ERF: variants seen among roughly 807,000 people sequenced by gnomAD.
ERF encodes ETS domain-containing transcription factor ERF.
Under a neutral mutation model 41.6 loss-of-function variants are expected in ERF, and 10 were observed. The ratio of observed to expected loss-of-function variants is 0.24; its 90% CI spans 0.15 to 0.41. The LOEUF (loss-of-function observed/expected upper bound fraction) is 0.41, where lower values mean the gene tolerates loss of function less well. Ranked by LOEUF, ERF falls within the 10% of genes least tolerant of loss-of-function variation. ERF has a pLI of 1.00. For synonymous variants in ERF, 395 were observed against 342.4 expected, an observed-to-expected ratio of 1.15 and a Z score of -1.70; for missense variants, 621 against 763.2, an observed-to-expected ratio of 0.81 and a Z score of 2.19.
intron 1 of ERF, among the ~76,000 whole-genome samples, chr19:42,253,162 G>C (rs541642905): frequency 6.6e-6 from 1 of 152,272 alleles, no homozygotes; most frequent in South Asian, 2.1e-4. Context: ...TTTTTTAAGG[G>C]ACTATGAGGG....
In ERF at chr19:42,249,550, C is replaced by T. The variant is rs1281970128; in HGVS notation, c.562G>A (p.Asp188Asn). 2 of 1,613,384 alleles carry T rather than the reference C, an allele frequency of 1.2e-6. No homozygotes were observed. The highest frequency in any genetic ancestry group is 1.3e-5 in the African/African-American group (1 of 74,900). Residue 188 changes from aspartate (D) to asparagine (N), a missense_variant, in exon 4 of 4, where the codon GAC (aspartate) becomes AAC (asparagine). This residue lies in a region of ERF where 569 missense variants were observed against 625.5 expected (regional missense o/e 0.91). Coordinates refer to ENST00000222329, the MANE Select transcript of ERF (RefSeq NM_006494.4). The surrounding 1 kb of genome is among the most constrained non-coding windows in gnomAD (Gnocchi z 8.6). ...ARRLGRGSVS[D>N]CSDGTSELEE... Reference sequence around the variant, plus strand: ...AGCTCTGACGTGCCATCACTACAGTCACTGACTGAGCCTCGGCCCAGGCGG... The same window carrying T: ...AGCTCTGACGTGCCATCACTACAGTTACTGACTGAGCCTCGGCCCAGGCGG...
At position 42,253,859 on chromosome 19, in the gene ERF, A is replaced by AGCCGCCGCC. The variant is rs528615990; in HGVS notation, c.22+1110_22+1118dup. On this transcript the variant is annotated intron_variant, in intron 1 of 3. Coordinates refer to ENST00000222329, the MANE Select transcript of ERF (RefSeq NM_006494.4). Reference sequence around the variant, plus strand: ...GCACACACCCGCACACAGGAGCCCGAGCCGCCGCCGCCGCCGCCGCCGCCG... The same window carrying AGCCGCCGCC: ...GCACACACCCGCACACAGGAGCCCGAGCCGCCGCCGCCGCCGCCGCCGCCGCCGCCGCCG... 580 of 1,064,256 alleles carry AGCCGCCGCC rather than the reference A, an allele frequency of 5.4e-4. 9 individuals carry two copies. The highest frequency in any genetic ancestry group is 5.8e-4 in the Non-Finnish European group (512 of 877,962). The allele number at this position is 1,064,256 out of a possible 1,614,324, so 65.9% of individuals were successfully genotyped here.
Position 42,248,843 on chromosome 19 carries a change from T to C in ERF, c.1269A>G (p.Pro423=), listed in dbSNP as rs761252512. 1.2e-6 allele frequency: 2 copies of C among 1,611,928 alleles called. No homozygotes were observed. The highest frequency in any genetic ancestry group is 1.1e-5 in the South Asian group (1 of 91,028). The change falls in exon 4 of 4, where the codon CCA becomes CCG. Residue 423 remains proline, a synonymous_variant. Transcript: ENST00000222329. This position sits in a 1 kb window ranked among gnomAD's most constrained non-coding sequence, Gnocchi z 4.2. ...AGALAPPPPP[P]QIKVEPISEG... ...CCGAGATGGGCTCCACCTTGATCTG[T>C]GGTGGCGGGGGCGGTGGGGCTAGCG...
At position 42,249,658 on chromosome 19, in the gene ERF, C is replaced by A. The variant is rs1296889815; in HGVS notation, c.454G>T (p.Val152Leu). ...FRFPPSTPSE[V>L]LSPTEDPRSP... ...CGGGGGTCCTCGGTGGGGGACAGCACCTCGGAGGGCGTTGAGGGAGGGAAG... is the reference window on the plus strand; with the variant it reads ...CGGGGGTCCTCGGTGGGGGACAGCAACTCGGAGGGCGTTGAGGGAGGGAAG... Residue 152 changes from valine (V) to leucine (L), a missense_variant, in exon 4 of 4, where the codon GTG (valine) becomes TTG (leucine). Transcript: ENST00000222329. The surrounding 1 kb of genome is among the most constrained non-coding windows in gnomAD (Gnocchi z 8.6). The A allele has an allele frequency of 1.9e-6, 3 of 1,606,172 alleles. No individual in the cohort carries two copies. In the South Asian group the frequency reaches 3.3e-5, roughly 18 times the overall value.
Position 42,248,826 on chromosome 19 carries a change from G to A in ERF, c.1286C>T (p.Pro429Leu), listed in dbSNP as rs1175162734. 6.2e-7 allele frequency: 1 copy of A among 1,613,030 alleles called. No individual in the cohort carries two copies. The highest frequency in any genetic ancestry group is 8.5e-7 in the Non-Finnish European group (1 of 1,179,814). ...PPPPPQIKVEPISEGESEEVE... is the reference protein window; with the variant it reads ...PPPPPQIKVELISEGESEEVE... ...CTCCTCCGACTCGCCTTCCGAGATG[G>A]GCTCCACCTTGATCTGTGGTGGCGG... is the stretch of plus-strand genomic sequence containing the variant. The change falls in exon 4 of 4, where the codon CCC becomes CTC. Residue 429 changes from proline (P) to leucine (L), a missense_variant. By Grantham distance (98) the Pro-to-Leu change is moderately conservative. This residue lies in a region of ERF where 569 missense variants were observed against 625.5 expected (regional missense o/e 0.91). Coordinates refer to ENST00000222329, the MANE Select transcript of ERF (RefSeq NM_006494.4). The surrounding 1 kb of genome is among the most constrained non-coding windows in gnomAD (Gnocchi z 4.2).
In ERF at chr19:42,249,810, C is replaced by A. The variant is rs756218487; in HGVS notation, c.373+17G>T. The A allele has an allele frequency of 3.7e-6, 6 of 1,614,166 alleles. No individual in the cohort carries two copies. The highest frequency in any genetic ancestry group is 2.2e-5 in the South Asian group (2 of 91,088). ...GGCATGTAGACCCTCTCCACACCAA[C>A]CATCCCTGGTACTCACCAGCCAACC... On this transcript the variant is annotated intron_variant, in intron 3 of 3. Transcript: ENST00000222329. This position sits in a 1 kb window ranked among gnomAD's most constrained non-coding sequence, Gnocchi z 8.6.
In ERF at chr19:42,249,091, G is replaced by C. The variant is rs758914076; in HGVS notation, c.1021C>G (p.Gln341Glu). Residue 341 changes from glutamine (Q) to glutamate (E), a missense_variant, in exon 4 of 4, where the codon CAG becomes GAG. By Grantham distance (29) the Gln-to-Glu change is conservative. Transcript: ENST00000222329. This position sits in a 1 kb window ranked among gnomAD's most constrained non-coding sequence, Gnocchi z 8.6. The stretch of plus-strand genomic sequence containing the variant: ...GGGCACTTGTCAGGGCGCTGGGGCT[G>C]GGGCACCACCAGCCCAGGGTAGTGC... ...FLHYPGLVVP[Q>E]PQRPDKCPLP... is the part of the protein sequence containing the mutation. 1 of 1,613,558 alleles carries C rather than the reference G, an allele frequency of 6.2e-7. No individual in the cohort carries two copies. The highest frequency in any genetic ancestry group is 1.3e-5 in the African/African-American group (1 of 74,924).
At chr19:42,251,342 C>T (rs935913207) in intron 1 of ERF, 1 of 985,668 alleles carries the variant, frequency 1.0e-6, no homozygotes, top group East Asian at 1.1e-4. Flanking sequence ...GCCTTCTCAT[C>T]TTCAGCTCCT....
In ERF at chr19:42,253,872, G is replaced by A. The variant is rs1302446007; in HGVS notation, c.22+1106C>T. On this transcript the variant is annotated intron_variant, in intron 1 of 3. Transcript: ENST00000222329. The stretch of plus-strand genomic sequence containing the variant: ...CACAGGAGCCCGAGCCGCCGCCGCC[G>A]CCGCCGCCGCCGCCGGGGGAAGGAA... 6.5e-6 allele frequency: 7 copies of A among 1,076,336 alleles called. No homozygotes were observed. In the South Asian group the frequency reaches 1.2e-4, roughly 18 times the overall value. 66.7% of individuals were successfully genotyped at this position (1,076,336 alleles called of 1,614,324 possible).
intron 1 of ERF, among the ~76,000 whole-genome samples, chr19:42,253,637 T>G (rs1474236201): frequency 6.6e-6 from 1 of 151,768 alleles, no homozygotes; most frequent in Non-Finnish European, 1.5e-5. Context: ...AGGACGCACG[T>G]GACTGACCCT....
Position 42,255,036 on chromosome 19 carries a change from C to G in ERF, c.-37G>C. Reference sequence around the variant, plus strand: ...CGGGGCGAAGCGCCCCGATTCCGGGCCGCGGCTCCCGGCGCCCTCGCTGCC... The same window carrying G: ...CGGGGCGAAGCGCCCCGATTCCGGGGCGCGGCTCCCGGCGCCCTCGCTGCC... On this transcript the variant is annotated 5_prime_UTR_variant, in exon 1 of 4. Coordinates refer to ENST00000222329, the MANE Select transcript of ERF (RefSeq NM_006494.4). The G allele has an allele frequency of 7.3e-7, 1 of 1,372,554 alleles. No individual in the cohort carries two copies. The highest frequency in any genetic ancestry group is 9.4e-7 in the Non-Finnish European group (1 of 1,063,504). 85.0% of individuals were successfully genotyped at this position (1,372,554 alleles called of 1,614,324 possible). A position where few individuals can be genotyped will look rare whatever the true frequency, so the allele number is the denominator to read the frequency against.
chr19:42,254,019 A>G (rs2036491999), intron 1 of ERF: 5 of 876,322 alleles, frequency 5.7e-6, no homozygotes, highest in Admixed American at 6.2e-5. Context: ...GCTCGGGCGC[A>G]AAGTCCAGCC....
Position 42,250,265 on chromosome 19 carries a change from G to T in ERF, c.257+66C>A. The T allele has an allele frequency of 1.3e-6, 2 of 1,551,362 alleles. No homozygotes were observed. The highest frequency in any genetic ancestry group is 1.8e-6 in the Non-Finnish European group (2 of 1,136,772). On this transcript the variant is annotated intron_variant, in intron 2 of 3. Coordinates refer to ENST00000222329, the MANE Select transcript of ERF (RefSeq NM_006494.4). This position sits in a 1 kb window ranked among gnomAD's most constrained non-coding sequence, Gnocchi z 5.1. ...TCAGACCCAATGCTTGTTCCCACAG[G>T]CAAGGGGCTGTGCAACCCCGGGGGG...
Position 42,249,466 on chromosome 19 carries a change from C to A in ERF, c.646G>T (p.Ala216Ser). 6.2e-7 allele frequency: 1 copy of A among 1,602,162 alleles called. No homozygotes were observed. Among genetic ancestry groups the A allele is most frequent in the Non-Finnish European group, 8.5e-7 (1 of 1,175,360 alleles). The change falls in exon 4 of 4, where the codon GCC (alanine) becomes TCC (serine). Residue 216 changes from alanine (A) to serine (S), a missense_variant. Physicochemically the swap from Ala to Ser is moderately conservative, Grantham distance 99 (BLOSUM62 1). Coordinates refer to ENST00000222329, the MANE Select transcript of ERF (RefSeq NM_006494.4). The surrounding 1 kb of genome is among the most constrained non-coding windows in gnomAD (Gnocchi z 8.6). ...ARPPGPPDLGAFRGPPLARLP... is the reference protein window; with the variant it reads ...ARPPGPPDLGSFRGPPLARLP... ...CGGGCCAGCGGGGGCCCTCGGAAGG[C>A]ACCCAGATCCGGAGGGCCGGGTGGT...
chr19:42,251,890 C>G (rs559256921), intron 1 of ERF, among the ~76,000 whole-genome samples: 15 of 152,224 alleles, frequency 9.9e-5, no homozygotes, highest in Admixed American at 7.2e-4. Context: ...GCTGCAGTAC[C>G]ACATAGCCCC....
In ERF at chr19:42,255,031, C is replaced by G. The variant is rs2036510327; in HGVS notation, c.-32G>C. 2 of 1,389,348 alleles carry G rather than the reference C, an allele frequency of 1.4e-6. No homozygotes were observed. Among genetic ancestry groups the G allele is most frequent in the Non-Finnish European group, 1.9e-6 (2 of 1,072,308 alleles). The allele number at this position is 1,389,348 out of a possible 1,614,324, so 86.1% of individuals were successfully genotyped here. A position where few individuals can be genotyped will look rare whatever the true frequency, so the allele number is the denominator to read the frequency against. On this transcript the variant is annotated 5_prime_UTR_variant, in exon 1 of 4. Transcript: ENST00000222329. ...GGGCCCGGGGCGAAGCGCCCCGATTCCGGGCCGCGGCTCCCGGCGCCCTCG... is the reference window on the plus strand; with the variant it reads ...GGGCCCGGGGCGAAGCGCCCCGATTGCGGGCCGCGGCTCCCGGCGCCCTCG...
At chr19:42,251,532 A>T in intron 1 of ERF, 3 of 168,800 alleles carry the variant, frequency 1.8e-5, no homozygotes, top group Non-Finnish European at 3.4e-5. Context: ...GCAGCCGGTA[A>T]TGGAGGGGTG....
At position 42,253,859 on chromosome 19, in the gene ERF, AGCCGCCGCCGCC is replaced by A. The variant is rs528615990; in HGVS notation, c.22+1107_22+1118del. On this transcript the variant is annotated intron_variant, in intron 1 of 3. Coordinates refer to ENST00000222329, the MANE Select transcript of ERF (RefSeq NM_006494.4). ...GCACACACCCGCACACAGGAGCCCG[AGCCGCCGCCGCC>A]GCCGCCGCCGCCGCCGGGGGAAGGA... 60 of 1,064,184 alleles carry A rather than the reference AGCCGCCGCCGCC, an allele frequency of 5.6e-5. No individual in the cohort carries two copies. The Admixed American group carries it at 6.0e-4, about 11-fold the overall frequency. The allele number at this position is 1,064,184 out of a possible 1,614,324, so 65.9% of individuals were successfully genotyped here.
Position 42,249,314 on chromosome 19 carries a change from C to T in ERF, c.798G>A (p.Pro266=), listed in dbSNP as rs748034084. The part of the protein sequence containing the change: ...PGSLLPPQLS[P]ALPMTPTHLA... ...GGTGGGTGGGCGTCATGGGCAGAGC[C>T]GGGGAGAGCTGAGGGGGCAGCAGGG... Residue 266 remains proline (P), a synonymous_variant, in exon 4 of 4, where the codon CCG becomes CCA. Transcript: ENST00000222329. The surrounding 1 kb of genome is among the most constrained non-coding windows in gnomAD (Gnocchi z 8.6). 8.2e-6 allele frequency: 13 copies of T among 1,591,928 alleles called. No individual in the cohort carries two copies. Among genetic ancestry groups the T allele is most frequent in the Admixed American group, 1.8e-5 (1 of 55,620 alleles).
Sources: gnomAD v4.1 joint callset for allele counts (sites outside exome capture counted in the v4.1 genomes callset) on GRCh38, gnomAD v4.1.1 for gene constraint, gnomAD v4.1.1 regional missense constraint, Gnocchi (gnomAD v3.1) non-coding constraint, MANE v1.5 for transcripts, NCBI Gene and HGNC (gene_info 2026-07-23, HGNC 2026-07-21) for gene names.